The following PPM1L variants were observed in gnomAD, a reference collection of about 807,000 sequenced individuals.
PPM1L encodes protein phosphatase, Mg2+/Mn2+ dependent 1L, also known as protein phosphatase 1L.
In PPM1L, 13 loss-of-function variants were observed where a neutral mutation model predicts 31.4. That is an observed-to-expected ratio of 0.41 (90% confidence interval 0.27 to 0.66). The LOEUF (loss-of-function observed/expected upper bound fraction) is 0.66, where lower values mean the gene tolerates loss of function less well. PPM1L is among the 30% of genes least tolerant of loss of function. The pLI, the probability that PPM1L is intolerant of heterozygous loss-of-function variation, is 0.29. For missense variants in PPM1L, 326 were observed against 453.7 expected (o/e 0.72, Z 2.56); for synonymous variants, 184 against 175.4 (o/e 1.05, Z -0.39).
Position 160,810,017 on chromosome 3 carries a change from C to T in PPM1L, c.399+53310C>T, listed in dbSNP as rs550771731. On this transcript the variant is annotated intron_variant, in intron 1 of 3. Coordinates refer to ENST00000498165, the MANE Select transcript of PPM1L (RefSeq NM_139245.4). The stretch of plus-strand genomic sequence containing the variant: ...GATATACTGTATGTAAAATATCTAG[C>T]GTGCTTCTGAGCCCTTAGGAGGAAT... Among the ~76,000 whole-genome samples, 7 of 152,062 alleles carry T rather than the reference C, an allele frequency of 4.6e-5. No individual in the cohort carries two copies. In the East Asian group the frequency reaches 5.9e-4, roughly 13 times the overall value.
chr3:160,766,136 GT>G, intron 1 of PPM1L, among the ~76,000 whole-genome samples: 1 of 152,024 alleles, frequency 6.6e-6, no homozygotes, highest in Non-Finnish European at 1.5e-5. Flanking sequence ...TTATAGCTTT[GT>G]TTTATAGTTT....
intron 1 of PPM1L, among the ~76,000 whole-genome samples, chr3:160,816,821 A>G (rs542725871): frequency 1.3e-5 from 2 of 152,120 alleles, no homozygotes; most frequent in Non-Finnish European, 2.9e-5. Flanking sequence ...ACCTTATTTT[A>G]GAATTGCACT....
chr3:160,880,191 A>AT (rs963460767), intron 1 of PPM1L, among the ~76,000 whole-genome samples: 19 of 151,284 alleles, frequency 1.3e-4, no homozygotes, highest in South Asian at 6.3e-4. Context: ...TGCTTTGACC[A>AT]TTTTTTTTTA....
intron 1 of PPM1L, among the ~76,000 whole-genome samples, chr3:160,785,225 A>C (rs957594556): frequency 1.3e-5 from 2 of 152,206 alleles, no homozygotes; most frequent in Admixed American, 1.3e-4. Flanking sequence ...TTTTTATAGA[A>C]AAGAATTTTA....
At chr3:160,797,577 A>G (rs1712295984) in intron 1 of PPM1L, among the ~76,000 whole-genome samples, 1 of 152,234 alleles carries the variant, frequency 6.6e-6, no homozygotes, top group Non-Finnish European at 1.5e-5. Context: ...GGCTCTTGCA[A>G]CAGACAGCCA....
intron 1 of PPM1L, among the ~76,000 whole-genome samples, chr3:160,841,853 G>T (rs763810233): frequency 2.0e-5 from 3 of 152,116 alleles, no homozygotes; most frequent in Non-Finnish European, 2.9e-5. Flanking sequence ...GAAATTTTTT[G>T]ATGACATATA....
chr3:160,861,981 G>A (rs1428249936), intron 1 of PPM1L, among the ~76,000 whole-genome samples: 3 of 152,120 alleles, frequency 2.0e-5, no homozygotes, highest in African/African-American at 7.2e-5. Context: ...CCTAAGTAAT[G>A]CAGGAAAATA....
At chr3:161,012,976 A>T (rs1428788614) in intron 2 of PPM1L, among the ~76,000 whole-genome samples, 1 of 151,912 alleles carries the variant, frequency 6.6e-6, no homozygotes, top group African/African-American at 2.4e-5. Context: ...CAGCTCCTGG[A>T]TTCATTGATT....
At chr3:160,927,431 A>C (rs931378177) in intron 1 of PPM1L, among the ~76,000 whole-genome samples, 12 of 152,248 alleles carry the variant, frequency 7.9e-5, no homozygotes, top group Admixed American at 5.2e-4. Context: ...CTAAAAAAAA[A>C]CCCTACATAG....
Position 161,003,830 on chromosome 3 carries a change from T to A in PPM1L, c.574+41920T>A, listed in dbSNP as rs1316636387. 1.3e-5 allele frequency among the ~76,000 whole-genome samples: 2 copies of A among 151,554 alleles called. 1 individual carries two copies. Among genetic ancestry groups the A allele is most frequent in the Non-Finnish European group, 3.0e-5 (2 of 67,700 alleles). ...TCTTTTCCTAATTGATTACCCTTTA[T>A]TTCCTTCTCCTGCCTAATTGCCCTG... is the stretch of plus-strand genomic sequence containing the variant. On this transcript the variant is annotated intron_variant, in intron 2 of 3. Coordinates refer to ENST00000498165, the MANE Select transcript of PPM1L (RefSeq NM_139245.4).
chr3:160,815,139 G>T (rs1158909458), intron 1 of PPM1L, among the ~76,000 whole-genome samples: 1 of 151,890 alleles, frequency 6.6e-6, no homozygotes, highest in African/African-American at 2.4e-5. Context: ...AATACCACCT[G>T]TTCCCCAAAA....
intron 1 of PPM1L, among the ~76,000 whole-genome samples, chr3:160,787,177 C>T (rs984201065): frequency 2.6e-5 from 4 of 152,166 alleles, no homozygotes; most frequent in Admixed American, 6.5e-5. Context: ...GAGAAATCTC[C>T]AAACTGCTTT....
intron 1 of PPM1L, among the ~76,000 whole-genome samples, chr3:160,887,026 G>A (rs1712939345): frequency 6.6e-6 from 1 of 152,004 alleles, no homozygotes; most frequent in Non-Finnish European, 1.5e-5. Flanking sequence ...ATGACCTGAT[G>A]GAGCTGAAAA....
At chr3:160,944,770 GT>G (rs1433343015) in intron 1 of PPM1L, among the ~76,000 whole-genome samples, 5 of 39,194 alleles carry the variant, frequency 1.3e-4, no homozygotes, top group African/African-American at 3.5e-4. Context: ...TATATAACAT[GT>G]TATATATTAT....
chr3:160,983,874 G>C lies in PPM1L; in HGVS notation c.574+21964G>C, dbSNP rs529416363. On this transcript the variant is annotated intron_variant, in intron 2 of 3. Coordinates refer to ENST00000498165, the MANE Select transcript of PPM1L (RefSeq NM_139245.4). ...GTCCCCCAAGCCACAAAACCAGCAA[G>C]TTTTTATTAGTGATTTTCAAAAGGG... 3.0e-3 allele frequency among the ~76,000 whole-genome samples: 459 copies of C among 152,288 alleles called. 1 individual carries two copies. Among genetic ancestry groups the C allele is most frequent in the African/African-American group, 0.01 (435 of 41,556 alleles).
intron 1 of PPM1L, among the ~76,000 whole-genome samples, chr3:160,954,417 A>C (rs990760576): frequency 6.6e-6 from 1 of 152,056 alleles, no homozygotes; most frequent in African/African-American, 2.4e-5. Flanking sequence ...GCTGGAGTGC[A>C]ATGGCGGCAT....
intron 2 of PPM1L, among the ~76,000 whole-genome samples, chr3:160,999,219 T>C (rs2108050238): frequency 6.6e-6 from 1 of 152,280 alleles, no homozygotes; most frequent in East Asian, 1.9e-4. Flanking sequence ...TGTCCATTTT[T>C]ATAGATGAAG....
At chr3:160,955,270 C>T (rs947799686) in intron 1 of PPM1L, among the ~76,000 whole-genome samples, 2 of 152,052 alleles carry the variant, frequency 1.3e-5, no homozygotes, top group Non-Finnish European at 2.9e-5. Context: ...CTCGGCCTCC[C>T]AAAGTGCTGT....
At position 160,975,895 on chromosome 3, in the gene PPM1L, A is replaced by C. The variant is rs1208946668; in HGVS notation, c.574+13985A>C. On this transcript the variant is annotated intron_variant, in intron 2 of 3. Transcript: ENST00000498165. ...TCTCCTGCCTAATTGCCCTGGCCAG[A>C]ACTTCCAACACTATGTTGAATAGGA... Among the ~76,000 whole-genome samples the C allele has an allele frequency of 1.9e-3, 277 of 146,750 alleles. 1 individual carries two copies. Among genetic ancestry groups the C allele is most frequent in the African/African-American group, 6.4e-3 (252 of 39,526 alleles).
Sources: allele counts gnomAD v4.1 joint callset (sites outside exome capture counted in the v4.1 genomes callset), GRCh38; gene constraint gnomAD v4.1.1; transcripts MANE v1.5; gene names NCBI Gene and HGNC (gene_info 2026-07-23, HGNC 2026-07-21).